VAV3: variants seen among roughly 807,000 people sequenced by gnomAD.
VAV3 encodes vav guanine nucleotide exchange factor 3.
Under a neutral mutation model 131.2 loss-of-function variants are expected in VAV3, and 94 were observed. That is an observed-to-expected ratio of 0.72 (90% CI 0.61 to 0.85). The LOEUF is 0.85. VAV3 is among the 40% of genes least tolerant of loss of function. The pLI, the probability that VAV3 is intolerant of heterozygous loss-of-function variation, is 0.00. For synonymous variants in VAV3, 349 were observed against 342.0 expected (o/e 1.02, Z -0.22); for missense variants, 939 against 1,002.7 (o/e 0.94, Z 0.86).
chr1:107,900,036 T>C (rs146114103), intron 1 of VAV3, among the ~76,000 whole-genome samples: 213 of 152,356 alleles, frequency 1.4e-3, no homozygotes, highest in Non-Finnish European at 2.6e-3. Flanking sequence ...AGCAGGCATT[T>C]GTAGCTCACT....
At chr1:107,710,153 A>G (rs1256935850) in intron 15 of VAV3, among the ~76,000 whole-genome samples, 1 of 152,236 alleles carries the variant, frequency 6.6e-6, no homozygotes, top group Non-Finnish European at 1.5e-5. Flanking sequence ...TCCTAGCAAG[A>G]TGAAATCATC....
At chr1:107,761,309 A>C (rs1283126400) in intron 9 of VAV3, among the ~76,000 whole-genome samples, 1 of 148,866 alleles carries the variant, frequency 6.7e-6, no homozygotes, top group Non-Finnish European at 1.5e-5. Flanking sequence ...AGGAGAATGG[A>C]GTGAACCCGG....
chr1:107,648,642 A>C (rs1006402363), intron 19 of VAV3, among the ~76,000 whole-genome samples: 1 of 152,088 alleles, frequency 6.6e-6, no homozygotes, highest in Non-Finnish European at 1.5e-5. Context: ...AAAGAACACA[A>C]TTACACAATT....
intron 1 of VAV3, among the ~76,000 whole-genome samples, chr1:107,940,022 T>A (rs1217594737): frequency 6.6e-6 from 1 of 152,104 alleles, no homozygotes; most frequent in African/African-American, 2.4e-5. Context: ...CAAGACGATT[T>A]TGAAGTGATG....
chr1:107,957,139 TA>T (rs1399647978), intron 1 of VAV3, among the ~76,000 whole-genome samples: 1 of 152,156 alleles, frequency 6.6e-6, no homozygotes, highest in African/African-American at 2.4e-5. Flanking sequence ...CCTTTCTCAC[TA>T]AAATGTGCCC....
intron 19 of VAV3, among the ~76,000 whole-genome samples, chr1:107,647,304 T>C (rs1655809089): frequency 6.6e-6 from 1 of 151,134 alleles, no homozygotes; most frequent in African/African-American, 2.4e-5. Flanking sequence ...CACAGCCACA[T>C]TAAAAAATAA....
At chr1:107,843,651 A>T (rs1285689950) in intron 2 of VAV3, among the ~76,000 whole-genome samples, 1 of 151,902 alleles carries the variant, frequency 6.6e-6, no homozygotes, top group Non-Finnish European at 1.5e-5. Context: ...AATATTCAGA[A>T]GGGGCTGGAA....
chr1:107,804,082 T>C (rs1452941795), intron 2 of VAV3, among the ~76,000 whole-genome samples: 1 of 152,130 alleles, frequency 6.6e-6, no homozygotes, highest in African/African-American at 2.4e-5. Flanking sequence ...GGTTTTTACT[T>C]GCATAGAATA....
chr1:107,696,750 C>T (rs1659772295), intron 17 of VAV3, among the ~76,000 whole-genome samples: 2 of 152,086 alleles, frequency 1.3e-5, no homozygotes, highest in Non-Finnish European at 2.9e-5. Flanking sequence ...GAAATGATTT[C>T]CCTCAAAGTC....
intron 25 of VAV3, among the ~76,000 whole-genome samples, chr1:107,591,066 T>C (rs1650911378): frequency 6.6e-6 from 1 of 152,160 alleles, no homozygotes; most frequent in Admixed American, 6.6e-5. Flanking sequence ...AATATGAAGT[T>C]CTCTAATGCT....
intron 19 of VAV3, among the ~76,000 whole-genome samples, chr1:107,666,938 G>GCT (rs1276321139): frequency 1.3e-5 from 2 of 152,164 alleles, no homozygotes; most frequent in Admixed American, 1.3e-4. Context: ...AGGCAGCCTA[G>GCT]CTCTGGAGTT....
At chr1:107,954,242 A>G (rs1404940500) in intron 1 of VAV3, among the ~76,000 whole-genome samples, 3 of 152,192 alleles carry the variant, frequency 2.0e-5, no homozygotes, top group African/African-American at 7.2e-5. Context: ...CTATCAAAGC[A>G]CATCATTTTA....
intron 19 of VAV3, among the ~76,000 whole-genome samples, chr1:107,682,856 T>C (rs1405716599): frequency 6.6e-6 from 1 of 152,148 alleles, no homozygotes; most frequent in Non-Finnish European, 1.5e-5. Context: ...ATCACATACA[T>C]AAAAAATCTT....
intron 20 of VAV3, among the ~76,000 whole-genome samples, chr1:107,629,630 A>T (rs184062668): frequency 2.0e-5 from 3 of 152,192 alleles, no homozygotes; most frequent in Non-Finnish European, 4.4e-5. Context: ...AAAAAGAAGA[A>T]GACAAAGAAG....
rs141195601 is a variant in VAV3, at chr1:107,719,974, C to T, written c.1503-14913G>A. Among the ~76,000 whole-genome samples, 983 of 152,294 alleles carry T rather than the reference C, an allele frequency of 6.5e-3. 11 individuals are homozygous for T. Among genetic ancestry groups the T allele is most frequent in the African/African-American group, 0.023 (948 of 41,562 alleles). The stretch of plus-strand genomic sequence containing the variant: ...TATCACAAGGACAGAAAACCAAACA[C>T]CGCATTTTCTCACTCATCAGTAGGA... On this transcript the variant is annotated intron_variant, in intron 15 of 26. Transcript: ENST00000370056.
intron 25 of VAV3, among the ~76,000 whole-genome samples, chr1:107,582,010 A>G (rs1650087973): frequency 6.6e-6 from 1 of 152,214 alleles, no homozygotes; most frequent in Admixed American, 6.5e-5. Context: ...AGTTGTAACA[A>G]GCACATGTGT....
chr1:107,653,276 G>A (rs953710362), intron 19 of VAV3, among the ~76,000 whole-genome samples: 1 of 151,608 alleles, frequency 6.6e-6, no homozygotes, highest in Non-Finnish European at 1.5e-5. Context: ...TTAGCTCAGA[G>A]AACAACTATC....
intron 19 of VAV3, among the ~76,000 whole-genome samples, chr1:107,671,119 A>C (rs1657758922): frequency 6.6e-6 from 1 of 152,212 alleles, no homozygotes; most frequent in Admixed American, 6.5e-5. Flanking sequence ...ATATATGTAC[A>C]CTTTCATGTT....
At chr1:107,720,812 A>T (rs949338813) in intron 15 of VAV3, among the ~76,000 whole-genome samples, 2 of 152,208 alleles carry the variant, frequency 1.3e-5, no homozygotes, top group African/African-American at 4.8e-5. Context: ...TTTGTGAAGG[A>T]GGTGAGAACT....
Sources: gnomAD v4.1 joint callset for allele counts (sites outside exome capture counted in the v4.1 genomes callset) on GRCh38, gnomAD v4.1.1 for gene constraint, MANE v1.5 for transcripts, NCBI Gene and HGNC (gene_info 2026-07-23, HGNC 2026-07-21) for gene names.